The following CTNNA2 variants were observed in gnomAD, a reference collection of about 807,000 sequenced individuals.
The protein encoded by CTNNA2 is catenin alpha-2.
In CTNNA2, 42 loss-of-function variants were observed where a neutral mutation model predicts 101.0. The ratio of observed to expected loss-of-function variants is 0.42; its 90% CI spans 0.32 to 0.54. CTNNA2 has a LOEUF of 0.54. Among genes scored for constraint, CTNNA2 ranks in the 20% least tolerant of loss-of-function variants. The pLI is 0.14. For missense variants in CTNNA2, 871 were observed against 1,223.1 expected, an observed-to-expected ratio of 0.71 and a Z score of 4.29; for synonymous variants, 450 against 456.4, an observed-to-expected ratio of 0.99 and a Z score of 0.18.
chr2:80,360,436 A>G (rs1674290833), intron 7 of CTNNA2, among the ~76,000 whole-genome samples: 1 of 151,920 alleles, frequency 6.6e-6, no homozygotes, highest in Non-Finnish European at 1.5e-5. Context: ...TCCGAGCAGT[A>G]TACTTTAGTA....
At chr2:79,216,820 G>A (rs1674267681) in intron 2 of CTNNA2, among the ~76,000 whole-genome samples, 1 of 152,030 alleles carries the variant, frequency 6.6e-6, no homozygotes, top group African/African-American at 2.4e-5. Flanking sequence ...GAAGGGGTTG[G>A]GGGGTTCATG....
intron 18 of CTNNA2, among the ~76,000 whole-genome samples, chr2:80,629,707 G>A (rs1359004507): frequency 2.0e-5 from 3 of 152,106 alleles, no homozygotes; most frequent in Non-Finnish European, 2.9e-5. Context: ...GCTTGTTGTA[G>A]TTATCCACTG....
At chr2:79,501,890 C>T (rs756773260) in intron 4 of CTNNA2, among the ~76,000 whole-genome samples, 11 of 151,498 alleles carry the variant, frequency 7.3e-5, no homozygotes, top group South Asian at 2.1e-4. Flanking sequence ...GTGAATCCGA[C>T]GACCCTGAAC....
At chr2:79,864,505 A>C (rs756908381) in intron 4 of CTNNA2, among the ~76,000 whole-genome samples, 59 of 152,344 alleles carry the variant, frequency 3.9e-4, no homozygotes, top group Non-Finnish European at 6.8e-4. Flanking sequence ...GATTCAGATT[A>C]GTGATTTAGA....
chr2:80,296,714 C>A (rs867724797), intron 7 of CTNNA2, among the ~76,000 whole-genome samples: 1 of 152,184 alleles, frequency 6.6e-6, no homozygotes, highest in African/African-American at 2.4e-5. Flanking sequence ...AACTTCAGCA[C>A]TCTTGACATT....
chr2:80,075,656 A>G (rs1371207391), intron 7 of CTNNA2, among the ~76,000 whole-genome samples: 2 of 117,998 alleles, frequency 1.7e-5, no homozygotes, highest in Non-Finnish European at 3.3e-5. Flanking sequence ...TATAAAAATA[A>G]TATTTATACA....
chr2:79,458,491 T>A (rs1670847572), intron 4 of CTNNA2, among the ~76,000 whole-genome samples: 1 of 152,168 alleles, frequency 6.6e-6, no homozygotes, highest in Non-Finnish European at 1.5e-5. Flanking sequence ...TTAGAAACAC[T>A]TGGAAGCTAT....
At chr2:79,259,426 AC>A (rs2104284306) in intron 2 of CTNNA2, among the ~76,000 whole-genome samples, 1 of 152,292 alleles carries the variant, frequency 6.6e-6, no homozygotes, top group South Asian at 2.1e-4. Context: ...AATAGAAAGA[AC>A]CCATTCAGAG....
At chr2:79,930,043 C>G (rs1687282011) in intron 7 of CTNNA2, among the ~76,000 whole-genome samples, 1 of 151,980 alleles carries the variant, frequency 6.6e-6, no homozygotes, top group South Asian at 2.1e-4. Context: ...TTGAGACTAG[C>G]CTGGCCAACG....
Position 79,651,631 on chromosome 2 carries a change from A to G in CTNNA2, c.75A>G (p.Glu25=). ...TGGAAATCCGGACGCTAACAGTGGA[A>G]AGGCTGTTGGAGCCACTTGTTACAC... is the stretch of plus-strand genomic sequence containing the variant. The part of the protein sequence containing the change: ...KSLEIRTLTV[E]RLLEPLVTQV... Residue 25 remains glutamate, a synonymous_variant, in exon 2 of 19, where the codon GAA becomes GAG. Transcript: ENST00000402739. 6.2e-7 allele frequency: 1 copy of G among 1,613,802 alleles called. No homozygotes were observed. Among genetic ancestry groups the G allele is most frequent in the Non-Finnish European group, 8.5e-7 (1 of 1,179,790 alleles).
intron 7 of CTNNA2, among the ~76,000 whole-genome samples, chr2:79,959,875 A>G (rs543983277): frequency 6.6e-6 from 1 of 152,342 alleles, no homozygotes; most frequent in South Asian, 2.1e-4. Flanking sequence ...ATGGTGAGCT[A>G]TAAAGCTCTG....
At chr2:80,164,951 T>G (rs866135853) in intron 7 of CTNNA2, among the ~76,000 whole-genome samples, 1 of 109,748 alleles carries the variant, frequency 9.1e-6, no homozygotes, top group South Asian at 4.1e-4. Flanking sequence ...TTTTTTTTTT[T>G]TTTTTTCTAG....
At chr2:79,478,950 T>G (rs1438264631) in intron 4 of CTNNA2, among the ~76,000 whole-genome samples, 1 of 152,200 alleles carries the variant, frequency 6.6e-6, no homozygotes, top group African/African-American at 2.4e-5. Flanking sequence ...TCCAGCCTGC[T>G]TTTGCTGTTT....
At chr2:79,236,528 C>T (rs1572992885) in intron 2 of CTNNA2, among the ~76,000 whole-genome samples, 1 of 152,162 alleles carries the variant, frequency 6.6e-6, no homozygotes, top group African/African-American at 2.4e-5. Flanking sequence ...ATGAAGATTG[C>T]CACATATATT....
At chr2:80,280,539 G>C (rs897166103) in intron 7 of CTNNA2, among the ~76,000 whole-genome samples, 2 of 151,698 alleles carry the variant, frequency 1.3e-5, no homozygotes, top group African/African-American at 2.4e-5. Context: ...ACAATCTTGC[G>C]CTGATCTTAC....
In CTNNA2 at chr2:80,314,666, G is replaced by A. The variant is rs534590675; in HGVS notation, c.1057-78545G>A. Among the ~76,000 whole-genome samples the A allele has an allele frequency of 9.1e-4, 138 of 152,282 alleles. 2 individuals are homozygous for A. The South Asian group carries it at 0.028, about 31-fold the overall frequency. Reference sequence around the variant, plus strand: ...CCATGAGTGAAGCTGCAAAGGAAACGTGTAAGGATGATGCTGTCTGCCTCA... The same window carrying A: ...CCATGAGTGAAGCTGCAAAGGAAACATGTAAGGATGATGCTGTCTGCCTCA... On this transcript the variant is annotated intron_variant, in intron 7 of 18. Transcript: ENST00000402739.
At chr2:79,385,329 A>C (rs1004665809) in intron 4 of CTNNA2, among the ~76,000 whole-genome samples, 16 of 152,240 alleles carry the variant, frequency 1.1e-4, no homozygotes, top group African/African-American at 3.9e-4. Flanking sequence ...TAACCACTAC[A>C]TGTACATCAC....
intron 7 of CTNNA2, among the ~76,000 whole-genome samples, chr2:80,379,679 T>G (rs1676316390): frequency 6.6e-6 from 1 of 152,214 alleles, no homozygotes; most frequent in East Asian, 1.9e-4. Flanking sequence ...GAGAGATTGA[T>G]TAATCAAATG....
chr2:79,745,258 C>A (rs1671561144), intron 3 of CTNNA2, among the ~76,000 whole-genome samples: 1 of 152,028 alleles, frequency 6.6e-6, no homozygotes, highest in Admixed American at 6.6e-5. Context: ...CGGTGAAACC[C>A]TGTCTCTACT....
Sources: gnomAD v4.1 joint callset for allele counts (sites outside exome capture counted in the v4.1 genomes callset) on GRCh38, gnomAD v4.1.1 for gene constraint, MANE v1.5 for transcripts, NCBI Gene and HGNC (gene_info 2026-07-23, HGNC 2026-07-21) for gene names.